The following ABCA3 variants were observed in gnomAD, a reference collection of about 807,000 sequenced individuals.
The protein encoded by ABCA3 is phospholipid-transporting ATPase ABCA3.
A neutral mutation model predicts 172.8 loss-of-function variants in ABCA3; 88 were observed. The ratio of observed to expected loss-of-function variants is 0.51; its 90% CI spans 0.43 to 0.61. ABCA3 has a LOEUF of 0.61. ABCA3 is among the 20% of genes least tolerant of loss of function. ABCA3 has a pLI of 0.00. For synonymous variants in ABCA3, 1,066 were observed against 983.8 expected (o/e 1.08, Z -1.56); for missense variants, 2,164 against 2,301.0 (o/e 0.94, Z 1.22).
rs1007307910 is a variant in ABCA3 at position 2,287,592 on chromosome 16, T to G, written c.3004+434A>C. ...TGTGCCTGGCCAAGAACTGTGAGTTTTAAGATGTTGAAAGAAAACACCCTG... is the reference window on the plus strand; with the variant it reads ...TGTGCCTGGCCAAGAACTGTGAGTTGTAAGATGTTGAAAGAAAACACCCTG... On this transcript the variant is annotated intron_variant, in intron 21 of 32. Coordinates refer to ENST00000301732, the MANE Select transcript of ABCA3 (RefSeq NM_001089.3). This position sits in a 1 kb window ranked among gnomAD's most constrained non-coding sequence, Gnocchi z 4.1. Among the ~76,000 whole-genome samples, 6 of 152,264 alleles carry G rather than the reference T, an allele frequency of 3.9e-5. No individual in the cohort carries two copies. The South Asian group carries it at 1.2e-3, about 32-fold the overall frequency.
chr16:2,283,116 G>A lies in ABCA3; in HGVS notation c.4035+70C>T, dbSNP rs1179523299. On this transcript the variant is annotated intron_variant, in intron 26 of 32. Coordinates refer to ENST00000301732, the MANE Select transcript of ABCA3 (RefSeq NM_001089.3). This position sits in a 1 kb window ranked among gnomAD's most constrained non-coding sequence, Gnocchi z 5.4. Reference sequence around the variant, plus strand: ...TGGAGAAGGAGGTGGAGCTGCCCCAGGTTGTGCTGGGCCCAAGCAGAGACG... The same window carrying A: ...TGGAGAAGGAGGTGGAGCTGCCCCAAGTTGTGCTGGGCCCAAGCAGAGACG... 7.3e-6 allele frequency: 11 copies of A among 1,516,858 alleles called. No individual in the cohort carries two copies. Among genetic ancestry groups the A allele is most frequent in the Non-Finnish European group, 9.9e-6 (11 of 1,110,852 alleles). 94.0% of individuals were successfully genotyped at this position (1,516,858 alleles called of 1,614,324 possible).
At chr16:2,306,093 T>C (rs1188609166) in intron 11 of ABCA3, among the ~76,000 whole-genome samples, 1 of 152,148 alleles carries the variant, frequency 6.6e-6, no homozygotes. Context: ...GGCTCACATC[T>C]GTAATCCCAG....
rs777725359 is a variant in ABCA3, at chr16:2,278,337, C to T, written c.4669G>A (p.Val1557Met). 7.4e-6 allele frequency: 12 copies of T among 1,611,258 alleles called. No homozygotes were observed. The highest frequency in any genetic ancestry group is 2.2e-5 in the South Asian group (2 of 91,094). Residue 1557 changes from valine (V) to methionine (M), a missense_variant, in exon 30 of 33, where the codon GTG becomes ATG. Around this residue, in one of 3 missense-constraint regions of ABCA3, gnomAD observed 795 missense variants for 881.9 expected, o/e 0.90. Coordinates refer to ENST00000301732, the MANE Select transcript of ABCA3 (RefSeq NM_001089.3). This position sits in a 1 kb window ranked among gnomAD's most constrained non-coding sequence, Gnocchi z 4.4. ...PVARRLLWDTVARARESGKAI... is the reference protein window; with the variant it reads ...PVARRLLWDTMARARESGKAI... ...TTGCCAGACTCTCGGGCTCGTGCCACGGTGTCCCAAAGCAGGCGCCGGGCC... is the reference window on the plus strand; with the variant it reads ...TTGCCAGACTCTCGGGCTCGTGCCATGGTGTCCCAAAGCAGGCGCCGGGCC...
intron 17 of ABCA3, 106 bp from the exon 18 acceptor site, chr16:2,295,846 G>T: frequency 6.6e-7 from 1 of 1,503,880 alleles, no homozygotes; most frequent in Non-Finnish European, 9.1e-7. Context: ...TGGGAAGGAG[G>T]CTAGAGAACC....
At chr16:2,301,473 G>A (rs1417250310) in intron 12 of ABCA3, among the ~76,000 whole-genome samples, 6 of 152,036 alleles carry the variant, frequency 3.9e-5, no homozygotes, top group Admixed American at 1.3e-4. Context: ...TTGGGAGGCC[G>A]AGGCGGGTGG....
In ABCA3 at chr16:2,295,703, G is replaced by C; in HGVS notation, c.2301C>G (p.His767Gln). 1 of 1,614,056 alleles carries C rather than the reference G, an allele frequency of 6.2e-7. No homozygotes were observed. The highest frequency in any genetic ancestry group is 8.5e-7 in the Non-Finnish European group (1 of 1,180,042). ...GCTGGGAGATGTCTTCCGGGTTGCAGTGCGGCTCCTTCACCAGCGTCATGT... is the reference window on the plus strand; with the variant it reads ...GCTGGGAGATGTCTTCCGGGTTGCACTGCGGCTCCTTCACCAGCGTCATGT... ...GYHMTLVKEP[H>Q]CNPEDISQLV... The change falls in exon 18 of 33, where the codon CAC becomes CAG. Residue 767 changes from histidine (H) to glutamine (Q), a missense_variant. Coordinates refer to ENST00000301732, the MANE Select transcript of ABCA3 (RefSeq NM_001089.3).
chr16:2,278,563 T>C lies in ABCA3; in HGVS notation c.4548-105A>G, dbSNP rs2141688276. ...CCCAGCAGCGGCCCACACCCAGCAA[T>C]TGCAGAACAGCCCTAGTGAAGAGGA... On this transcript the variant is annotated intron_variant, in intron 29 of 32. Transcript: ENST00000301732. The surrounding 1 kb of genome is among the most constrained non-coding windows in gnomAD (Gnocchi z 4.4). 2 of 1,414,178 alleles carry C rather than the reference T, an allele frequency of 1.4e-6. No homozygotes were observed. Among genetic ancestry groups the C allele is most frequent in the East Asian group, 4.7e-5 (2 of 42,282 alleles). 87.6% of individuals were successfully genotyped at this position (1,414,178 alleles called of 1,614,324 possible). A position where few individuals can be genotyped will look rare whatever the true frequency, so the allele number is the denominator to read the frequency against.
chr16:2,310,427 A>AAACAAACAAAC (rs1567348520), intron 10 of ABCA3, among the ~76,000 whole-genome samples: 2 of 150,826 alleles, frequency 1.3e-5, no homozygotes, highest in African/African-American at 4.9e-5. Flanking sequence ...AACAAACAAA[A>AAACAAACAAAC]AAACAAACAA....
In ABCA3 at chr16:2,276,470, G is replaced by A. The variant is rs2093646544; in HGVS notation, c.*204C>T. 2.2e-6 allele frequency: 2 copies of A among 905,622 alleles called. No homozygotes were observed. The highest frequency in any genetic ancestry group is 3.3e-5 in the African/African-American group (2 of 60,670). The allele number at this position is 905,622 out of a possible 1,614,324, so 56.1% of individuals were successfully genotyped here. On this transcript the variant is annotated 3_prime_UTR_variant, in exon 33 of 33. Coordinates refer to ENST00000301732, the MANE Select transcript of ABCA3 (RefSeq NM_001089.3). ...GGGAAAGTGAACTCCAGAGTATGCA[G>A]ACATGGAGATGCGCATGCTGATCCT...
At chr16:2,333,381 C>T (rs534469892) in intron 1 of ABCA3, among the ~76,000 whole-genome samples, 36 of 152,342 alleles carry the variant, frequency 2.4e-4, no homozygotes, top group Non-Finnish European at 4.4e-4. Flanking sequence ...CAAAGAGAGC[C>T]GCCAACCATG....
chr16:2,322,249 C>T (rs974530518), intron 7 of ABCA3, among the ~76,000 whole-genome samples: 1 of 151,508 alleles, frequency 6.6e-6, no homozygotes, highest in Non-Finnish European at 1.5e-5. Context: ...TTCAAGAGCA[C>T]GTCTTCCAGG....
chr16:2,298,470 G>A lies in ABCA3; in HGVS notation c.1812C>T (p.Ile604=). 6.2e-7 allele frequency: 1 copy of A among 1,614,090 alleles called. No homozygotes were observed. The highest frequency in any genetic ancestry group is 2.2e-5 in the East Asian group (1 of 44,874). Residue 604 remains isoleucine (I), a synonymous_variant, in exon 15 of 33, where the codon ATC becomes ATT. Transcript: ENST00000301732. ...GCGGGCACAGGCCCAGGCTCTTCCG[G>A]ATCTGAACCATGTCCTGGGAAATTT... ...GYEISQDMVQ[I]RKSLGLCPQH...
chr16:2,297,395 T>C lies in ABCA3; in HGVS notation c.2197A>G (p.Ile733Val), dbSNP rs776835960. 2.9e-5 allele frequency: 47 copies of C among 1,613,432 alleles called. No homozygotes were observed. The highest frequency in any genetic ancestry group is 4.0e-5 in the Non-Finnish European group (47 of 1,179,996). The change falls in exon 17 of 33, where the codon ATC (isoleucine) becomes GTC (valine). Residue 733 changes from isoleucine (I) to valine (V), a missense_variant. Around this residue, in one of 3 missense-constraint regions of ABCA3, gnomAD observed 1,343 missense variants for 1,369.6 expected, o/e 0.98. Transcript: ENST00000301732. The surrounding 1 kb of genome is among the most constrained non-coding windows in gnomAD (Gnocchi z 5.6). ...MDEADLLGDR[I>V]AIMAKGELQC... Reference sequence around the variant, plus strand: ...AGCTCCCCCTTGGCCATGATGGCGATGCGGTCTCCCAGCAGGTCAGCCTCG... The same window carrying C: ...AGCTCCCCCTTGGCCATGATGGCGACGCGGTCTCCCAGCAGGTCAGCCTCG...
intron 18 of ABCA3, among the ~76,000 whole-genome samples, chr16:2,293,805 C>G (rs1022372500): frequency 1.3e-5 from 2 of 151,784 alleles, no homozygotes; most frequent in Admixed American, 1.3e-4. Context: ...CCTCCAAGTG[C>G]TGGGATTACA....
Position 2,279,613 on chromosome 16 carries a change from G to A in ABCA3, c.4360-483C>T, listed in dbSNP as rs75952711. Among the ~76,000 whole-genome samples, 826 of 152,322 alleles carry A rather than the reference G, an allele frequency of 5.4e-3. 5 individuals carry two copies. The highest frequency in any genetic ancestry group is 8.0e-3 in the Non-Finnish European group (544 of 68,034). On this transcript the variant is annotated intron_variant, in intron 28 of 32. Transcript: ENST00000301732. This position sits in a 1 kb window ranked among gnomAD's most constrained non-coding sequence, Gnocchi z 4.4. ...TGACCACGTCCAGCTGAATTAAGAC[G>A]TGCCTGCTGCCATCTGCTTAGCTAC...
rs371427900 is a variant in ABCA3 at position 2,313,703 on chromosome 16, G to C, written c.1111+3580C>G. Among the ~76,000 whole-genome samples, 55 of 151,452 alleles carry C rather than the reference G, an allele frequency of 3.6e-4. 1 individual carries two copies. In the South Asian group the frequency reaches 0.011, roughly 30 times the overall value. ...GAGGATCACTTGAGGTCAGGAGTTTGAGACCAGCCTGGACAACATGGCAAA... is the reference window on the plus strand; with the variant it reads ...GAGGATCACTTGAGGTCAGGAGTTTCAGACCAGCCTGGACAACATGGCAAA... On this transcript the variant is annotated intron_variant, in intron 10 of 32. Transcript: ENST00000301732.
Position 2,289,635 on chromosome 16 carries a change from ACAGGGACCGGT to A in ABCA3, c.2514-26_2514-16del. On this transcript the variant is annotated splice_polypyrimidine_tract_variant and intron_variant, in intron 19 of 32. Transcript: ENST00000301732. ...GCTTCCCGACCCTGTGCCGATACAC[ACAGGGACCGGT>A]CAGGACCCAGCTCCCCGGGTGGGTG... 1.9e-6 allele frequency: 3 copies of A among 1,547,300 alleles called. No individual in the cohort carries two copies. Among genetic ancestry groups the A allele is most frequent in the Non-Finnish European group, 2.6e-6 (3 of 1,146,914 alleles).
At chr16:2,316,490 C>CCAA (rs2093715967) in intron 10 of ABCA3, among the ~76,000 whole-genome samples, 1 of 28,866 alleles carries the variant, frequency 3.5e-5, no homozygotes, top group African/African-American at 1.5e-4. Context: ...ACTAAAAATG[C>CCAA]AAAAAAAAAA....
Position 2,280,021 on chromosome 16 carries a change from T to G in ABCA3, c.4360-891A>C, listed in dbSNP as rs1808309. ...CTGCCTTGGCCTTCCAAAGCTGGGA[T>G]TATAGGCGTGAGCCACGCTCCCAGC... On this transcript the variant is annotated intron_variant, in intron 28 of 32. Coordinates refer to ENST00000301732, the MANE Select transcript of ABCA3 (RefSeq NM_001089.3). Among the ~76,000 whole-genome samples, 241 of 152,364 alleles carry G rather than the reference T, an allele frequency of 1.6e-3. 1 individual carries two copies. Among genetic ancestry groups the G allele is most frequent in the African/African-American group, 5.7e-3 (238 of 41,596 alleles).
Sources: allele counts gnomAD v4.1 joint callset (sites outside exome capture counted in the v4.1 genomes callset), GRCh38; gene constraint gnomAD v4.1.1; regional missense constraint gnomAD v4.1.1; non-coding constraint Gnocchi (gnomAD v3.1); transcripts MANE v1.5; gene names NCBI Gene and HGNC (gene_info 2026-07-23, HGNC 2026-07-21).